Variants in TAB2 observed in about 807,000 individuals in gnomAD.
TAB2 encodes TGF-beta-activated kinase 1 and MAP3K7-binding protein 2.
TAB2 carries 3 observed loss-of-function variants against 65.0 expected under a neutral mutation model. The ratio of observed to expected loss-of-function variants is 0.05; its 90% CI spans 0.02 to 0.12. The LOEUF is 0.12. TAB2 is among the 10% of genes least tolerant of loss of function. TAB2 has a pLI of 1.00. For synonymous variants in TAB2, 298 were observed against 285.1 expected (o/e 1.05, Z -0.46); for missense variants, 623 against 840.3 (o/e 0.74, Z 3.20).
At chr6:149,309,403 CTTTTT>C (rs565648269) in intron 1 of TAB2, among the ~76,000 whole-genome samples, 1 of 141,164 alleles carries the variant, frequency 7.1e-6, no homozygotes, top group Non-Finnish European at 1.5e-5. Flanking sequence ...AATAATTCCT[CTTTTT>C]TTTTTTTTTT....
At chr6:149,405,342 GA>G (rs1292901569) in intron 6 of TAB2, among the ~76,000 whole-genome samples, 6 of 152,172 alleles carry the variant, frequency 3.9e-5, no homozygotes, top group Admixed American at 2.6e-4. Context: ...CAGCTATTAT[GA>G]AAAACAGCAT....
chr6:149,359,943 G>A (rs1780788941), intron 1 of TAB2, among the ~76,000 whole-genome samples: 1 of 152,040 alleles, frequency 6.6e-6, no homozygotes, highest in African/African-American at 2.4e-5. Context: ...TGTGCTTTTG[G>A]TATCTATTGA....
chr6:149,278,905 C>A (rs972192112), intron 1 of TAB2, among the ~76,000 whole-genome samples: 4 of 152,036 alleles, frequency 2.6e-5, no homozygotes, highest in East Asian at 3.9e-4. Flanking sequence ...ACGATGAAAC[C>A]CCATCCCACA....
At position 149,348,224 on chromosome 6, in the gene TAB2, CA is replaced by C. The variant is rs570081531; in HGVS notation, c.-89-21678del. Among the ~76,000 whole-genome samples, 596 of 151,834 alleles carry C rather than the reference CA, an allele frequency of 3.9e-3. 2 individuals carry two copies. Among genetic ancestry groups the C allele is most frequent in the Non-Finnish European group, 6.6e-3 (449 of 67,896 alleles). ...CCTTGGCAATATAGGGAGAGCCTAC[CA>C]AAAAAATACAATAATTAGCCAGTTG... On this transcript the variant is annotated intron_variant, in intron 1 of 6. Transcript: ENST00000637181.
upstream of TAB2, among the ~76,000 whole-genome samples, chr6:149,312,728 C>A (rs1371264014): frequency 6.6e-6 from 1 of 152,220 alleles, no homozygotes; most frequent in Non-Finnish European, 1.5e-5. Context: ...GAGGCCACCA[C>A]AACCTCTCTA....
chr6:149,383,439 T>G (rs1456590440), intron 3 of TAB2, among the ~76,000 whole-genome samples: 1 of 152,192 alleles, frequency 6.6e-6, no homozygotes, highest in African/African-American at 2.4e-5. Flanking sequence ...ACATACAGAA[T>G]TTTATAACAT....
chr6:149,403,755 C>T (rs752251183), intron 6 of TAB2, among the ~76,000 whole-genome samples: 20 of 151,918 alleles, frequency 1.3e-4, no homozygotes, highest in Non-Finnish European at 2.6e-4. Context: ...AGAGGCATGT[C>T]ATATGGTGAG....
chr6:149,365,777 A>G (rs1209007846), intron 1 of TAB2, among the ~76,000 whole-genome samples: 1 of 151,784 alleles, frequency 6.6e-6, no homozygotes, highest in East Asian at 1.9e-4. Flanking sequence ...CAGGTCCCTA[A>G]GGTTCTGTTT....
At chr6:149,232,997 C>CTG (rs1777433442) in intron 1 of TAB2, among the ~76,000 whole-genome samples, 1 of 152,156 alleles carries the variant, frequency 6.6e-6, no homozygotes, top group Non-Finnish European at 1.5e-5. Context: ...CAGGAGTACC[C>CTG]ACTCCCATGC....
chr6:149,400,552 C>T lies in TAB2; in HGVS notation c.1939+1368C>T, dbSNP rs752402158. ...GCCTATTGTGAACCACGGGGATTGT[C>T]AGTGAAGCAGATCAGATTCCGATTT... On this transcript the variant is annotated intron_variant, in intron 6 of 6. Transcript: ENST00000637181. 2.5e-6 allele frequency: 4 copies of T among 1,614,216 alleles called. No homozygotes were observed. The South Asian group carries it at 4.4e-5, about 18-fold the overall frequency.
intron 1 of TAB2, among the ~76,000 whole-genome samples, chr6:149,234,142 G>T (rs1777453537): frequency 1.3e-5 from 2 of 152,146 alleles, no homozygotes; most frequent in South Asian, 4.1e-4. Context: ...ACCGCTCCTA[G>T]TATGAAGTTT....
intron 1 of TAB2, among the ~76,000 whole-genome samples, chr6:149,295,791 GAGA>G (rs1778865121): frequency 6.6e-6 from 1 of 151,582 alleles, no homozygotes; most frequent in African/African-American, 2.4e-5. Flanking sequence ...CTTCTTTTTT[GAGA>G]CAGAGTCTTG....
upstream of TAB2, among the ~76,000 whole-genome samples, chr6:149,316,131 T>C (rs1409900345): frequency 6.6e-6 from 1 of 152,230 alleles, no homozygotes; most frequent in Non-Finnish European, 1.5e-5. Context: ...TTAAAGTTAA[T>C]GATTTCTTCT....
chr6:149,400,839 C>G, intron 6 of TAB2: 1 of 764,338 alleles, frequency 1.3e-6, no homozygotes, highest in East Asian at 2.7e-5. Flanking sequence ...TTTTATTATA[C>G]ATGAAGTAAC....
intron 1 of TAB2, among the ~76,000 whole-genome samples, chr6:149,234,881 A>AAAAAAAC (rs553505517): frequency 6.8e-6 from 1 of 147,936 alleles, no homozygotes; most frequent in African/African-American, 2.5e-5. Context: ...AAAAAAAAAA[A>AAAAAAAC]CACACTCTTT....
chr6:149,284,232 C>T (rs549813417), intron 1 of TAB2, among the ~76,000 whole-genome samples: 3 of 152,198 alleles, frequency 2.0e-5, no homozygotes, highest in African/African-American at 7.2e-5. Context: ...ATGCTTTGTC[C>T]CCCACATACC....
At chr6:149,361,213 T>C (rs2114834446) in intron 1 of TAB2, among the ~76,000 whole-genome samples, 1 of 152,312 alleles carries the variant, frequency 6.6e-6, no homozygotes. Context: ...GTAGAGGTTT[T>C]TTTGTGAGGG....
chr6:149,259,684 C>G (rs1778113139), intron 1 of TAB2, among the ~76,000 whole-genome samples: 1 of 152,086 alleles, frequency 6.6e-6, no homozygotes, highest in South Asian at 2.1e-4. Context: ...GTGGGGAGAG[C>G]CTGAAGGTGT....
At chr6:149,275,568 A>G (rs1778456337) in intron 1 of TAB2, among the ~76,000 whole-genome samples, 3 of 152,256 alleles carry the variant, frequency 2.0e-5, no homozygotes, top group East Asian at 1.9e-4. Flanking sequence ...AAGGTAGAGC[A>G]TAACTTCTCA....
Sources: gnomAD v4.1 joint callset for allele counts (sites outside exome capture counted in the v4.1 genomes callset) on GRCh38, gnomAD v4.1.1 for gene constraint, MANE v1.5 for transcripts, NCBI Gene and HGNC (gene_info 2026-07-23, HGNC 2026-07-21) for gene names.